FARS2: variants seen among roughly 807,000 people sequenced by gnomAD.
The protein encoded by FARS2 is phenylalanine--tRNA ligase, mitochondrial.
Under a neutral mutation model 46.4 loss-of-function variants are expected in FARS2, and 40 were observed. The observed-to-expected ratio is 0.86, with a 90% CI of 0.67 to 1.12. FARS2 has a LOEUF of 1.12. Ranked by LOEUF, FARS2 falls within the 50% of genes most tolerant of loss-of-function variation. The pLI is 0.00. For synonymous variants in FARS2, 234 were observed against 214.9 expected (o/e 1.09, Z -0.78); for missense variants, 513 against 567.9 (o/e 0.90, Z 0.98).
intron 2 of FARS2, among the ~76,000 whole-genome samples, chr6:5,385,128 C>A (rs1760034369): frequency 6.6e-6 from 1 of 152,114 alleles, no homozygotes; most frequent in Admixed American, 6.5e-5. Context: ...TTTAACTGGG[C>A]CCTTGAAACA....
intron 4 of FARS2, among the ~76,000 whole-genome samples, chr6:5,533,427 A>G (rs1391976132): frequency 1.3e-5 from 2 of 152,260 alleles, no homozygotes; most frequent in Non-Finnish European, 1.5e-5. Context: ...TAAATTAAGT[A>G]AGTAAACTAA....
At chr6:5,493,229 GA>G (rs78530593) in intron 4 of FARS2, among the ~76,000 whole-genome samples, 2 of 136,256 alleles carry the variant, frequency 1.5e-5, no homozygotes, top group African/African-American at 5.4e-5. Context: ...AAAAAAAAAA[GA>G]AAAAGAAAGA....
intron 5 of FARS2, among the ~76,000 whole-genome samples, chr6:5,558,355 C>CT (rs1771788362): frequency 6.6e-6 from 1 of 152,058 alleles, no homozygotes. Context: ...GCTTTTCAAA[C>CT]TTCATGCGTT....
chr6:5,371,186 G>T, intron 2 of FARS2: 1 of 984,972 alleles, frequency 1.0e-6, no homozygotes, highest in Non-Finnish European at 1.2e-6. Flanking sequence ...ATGGAGAGTG[G>T]AGTCAGAAGA....
In FARS2 at chr6:5,368,930, C is replaced by G; in HGVS notation, c.360C>G (p.Val120=). ...TCTACGACAACCTTTCTCCAGTGGT[C>G]ACGACCTGGCAGAACTTTGACAGCC... ...FSVYDNLSPV[V]TTWQNFDSLL... Residue 120 remains valine (V), a synonymous_variant, in exon 2 of 7, where the codon GTC becomes GTG. Transcript: ENST00000274680. 1.9e-6 allele frequency: 3 copies of G among 1,614,156 alleles called. No individual in the cohort carries two copies. The highest frequency in any genetic ancestry group is 1.1e-5 in the South Asian group (1 of 91,080).
chr6:5,769,929 G>A (rs1762948187), intron 6 of FARS2, among the ~76,000 whole-genome samples: 1 of 152,236 alleles, frequency 6.6e-6, no homozygotes, highest in Non-Finnish European at 1.5e-5. Flanking sequence ...CCAAGCCAGG[G>A]TGGGAGAGAG....
intron 1 of FARS2, among the ~76,000 whole-genome samples, chr6:5,345,287 C>T (rs1757157907): frequency 6.6e-6 from 1 of 152,116 alleles, no homozygotes; most frequent in African/African-American, 2.4e-5. Context: ...AGAAGGTAAT[C>T]AGCTTTTAGA....
At chr6:5,256,592 T>C (rs1419434722), upstream of FARS2, among the ~76,000 whole-genome samples, 2 of 149,068 alleles carry the variant, frequency 1.3e-5, no homozygotes, top group Admixed American at 6.8e-5. Context: ...ATGGATCAAT[T>C]ATGACTCTCA....
intron 5 of FARS2, among the ~76,000 whole-genome samples, chr6:5,588,265 C>T (rs1330392654): frequency 1.3e-5 from 2 of 151,932 alleles, no homozygotes; most frequent in African/African-American, 4.8e-5. Context: ...GTGGTGTGGG[C>T]GTGGGCAGCA....
At chr6:5,487,117 A>G (rs1269627619) in intron 4 of FARS2, among the ~76,000 whole-genome samples, 2 of 152,200 alleles carry the variant, frequency 1.3e-5, no homozygotes, top group Admixed American at 6.5e-5. Context: ...CTCAGCTGAT[A>G]TAACATTGCT....
chr6:5,279,015 T>G (rs1766530450), intron 1 of FARS2, among the ~76,000 whole-genome samples: 1 of 152,166 alleles, frequency 6.6e-6, no homozygotes, highest in Non-Finnish European at 1.5e-5. Context: ...ATGCTTTGTG[T>G]AGGTCTTTGA....
chr6:5,257,639 C>A (rs190276288), upstream of FARS2, among the ~76,000 whole-genome samples: 2 of 152,100 alleles, frequency 1.3e-5, no homozygotes, highest in African/African-American at 4.8e-5. Flanking sequence ...GTCAGATCAG[C>A]GGCGGCATTA....
chr6:5,453,351 G>T (rs1342761178), intron 4 of FARS2, among the ~76,000 whole-genome samples: 1 of 152,184 alleles, frequency 6.6e-6, no homozygotes, highest in African/African-American at 2.4e-5. Flanking sequence ...TTGGATTTCA[G>T]CTGCCTAGTG....
intron 4 of FARS2, among the ~76,000 whole-genome samples, chr6:5,542,384 A>C (rs1770691409): frequency 6.6e-6 from 1 of 152,200 alleles, no homozygotes; most frequent in South Asian, 2.1e-4. Flanking sequence ...ATTAAGCTGC[A>C]TTGGACTTCC....
chr6:5,717,933 T>TAGAG (rs1195279552), intron 6 of FARS2, among the ~76,000 whole-genome samples: 2 of 128,264 alleles, frequency 1.6e-5, no homozygotes, highest in Non-Finnish European at 3.1e-5. Flanking sequence ...TATATATATA[T>TAGAG]ATACAGAGTC....
chr6:5,564,001 T>C (rs940443953), intron 5 of FARS2, among the ~76,000 whole-genome samples: 2 of 152,216 alleles, frequency 1.3e-5, no homozygotes, highest in African/African-American at 2.4e-5. Context: ...AAAACTGCAT[T>C]ACTAAACCCA....
intron 6 of FARS2, among the ~76,000 whole-genome samples, chr6:5,623,622 G>C (rs918960261): frequency 1.3e-5 from 2 of 152,022 alleles, no homozygotes; most frequent in Non-Finnish European, 2.9e-5. Flanking sequence ...TGAGGCAGGA[G>C]AATTAATTGA....
At chr6:5,497,917 C>G (rs919035966) in intron 4 of FARS2, among the ~76,000 whole-genome samples, 1 of 152,144 alleles carries the variant, frequency 6.6e-6, no homozygotes, top group African/African-American at 2.4e-5. Flanking sequence ...TGTGAATAAA[C>G]AAATAGTTTC....
intron 4 of FARS2, among the ~76,000 whole-genome samples, chr6:5,481,526 C>G (rs889308800): frequency 1.3e-5 from 2 of 152,182 alleles, no homozygotes; most frequent in African/African-American, 4.8e-5. Context: ...GAAGCTGTCT[C>G]CAGCCATTTG....
Sources: gnomAD v4.1 joint callset for allele counts (sites outside exome capture counted in the v4.1 genomes callset) on GRCh38, gnomAD v4.1.1 for gene constraint, MANE v1.5 for transcripts, NCBI Gene and HGNC (gene_info 2026-07-23, HGNC 2026-07-21) for gene names.